The following ASIC2 variants were observed in gnomAD, a reference collection of about 807,000 sequenced individuals.
ASIC2 encodes acid sensing ion channel subunit 2.
Under a neutral mutation model 57.3 loss-of-function variants are expected in ASIC2, and 25 were observed. The observed-to-expected ratio is 0.44, with a 90% CI of 0.32 to 0.61. The LOEUF is 0.61. ASIC2 is among the 20% of genes least tolerant of loss of function. ASIC2 has a pLI of 0.06. For synonymous variants in ASIC2, 319 were observed against 307.5 expected (o/e 1.04, Z -0.39); for missense variants, 641 against 738.1 (o/e 0.87, Z 1.52).
chr17:33,061,278 G>C (rs531042604), intron 3 of ASIC2, among the ~76,000 whole-genome samples: 6 of 152,254 alleles, frequency 3.9e-5, no homozygotes, highest in African/African-American at 1.2e-4. Flanking sequence ...TGCCCATTCA[G>C]TATGATATTG....
Position 33,293,103 on chromosome 17 carries a change from G to A in ASIC2, c.-988C>T, listed in dbSNP as rs1905573418. On this transcript the variant is annotated 5_prime_UTR_variant, in exon 1 of 10. Transcript: ENST00000225823. ...GCCAACACCTCCCGGGGGTGACCCG[G>A]ACTCGCTGCTCCGCGCGCCCTTCTC... 1 of 921,552 alleles carries A rather than the reference G, an allele frequency of 1.1e-6. No homozygotes were observed. The highest frequency in any genetic ancestry group is 1.8e-5 in the African/African-American group (1 of 55,832). The allele number at this position is 921,552 out of a possible 1,614,324, so 57.1% of individuals were successfully genotyped here.
chr17:33,102,411 T>G (rs1184435047), intron 2 of ASIC2, among the ~76,000 whole-genome samples: 2 of 152,224 alleles, frequency 1.3e-5, no homozygotes, highest in East Asian at 3.9e-4. Context: ...TTTTTTTCTT[T>G]ATTTCTGTTA....
At chr17:33,662,668 T>TAAA (rs530248877) in intron 1 of ASIC2, among the ~76,000 whole-genome samples, 4 of 128,054 alleles carry the variant, frequency 3.1e-5, no homozygotes, top group Non-Finnish European at 5.1e-5. Context: ...AATAAATAAA[T>TAAA]AAGTAAAATA....
chr17:33,837,340 G>A (rs1405859800), intron 1 of ASIC2, among the ~76,000 whole-genome samples: 2 of 152,140 alleles, frequency 1.3e-5, no homozygotes, highest in Non-Finnish European at 2.9e-5. Context: ...CAAATAATGA[G>A]AAATTTGAAA....
At position 33,116,631 on chromosome 17, in the gene ASIC2, G is replaced by A. The variant is rs144858734; in HGVS notation, c.709-4564C>T. ...TGCATGTTTCAAACCTGGATCTCCA[G>A]GAATGGTGGGGGGTGGGGGCTCCTG... is the stretch of plus-strand genomic sequence containing the variant. On this transcript the variant is annotated intron_variant, in intron 1 of 9. Transcript: ENST00000225823. 2.6e-5 allele frequency among the ~76,000 whole-genome samples: 4 copies of A among 152,254 alleles called. No homozygotes were observed. In the East Asian group the frequency reaches 7.7e-4, roughly 29 times the overall value.
At chr17:33,343,941 T>C (rs1202799687) in intron 1 of ASIC2, among the ~76,000 whole-genome samples, 1 of 152,194 alleles carries the variant, frequency 6.6e-6, no homozygotes, top group Admixed American at 6.5e-5. Context: ...GTCTTGCAAA[T>C]ATTCACCATT....
chr17:33,596,949 C>CA (rs1423445658), intron 1 of ASIC2, among the ~76,000 whole-genome samples: 6 of 152,188 alleles, frequency 3.9e-5, no homozygotes, highest in Non-Finnish European at 7.4e-5. Context: ...GATGAGCTCT[C>CA]AAAAAGACCC....
At chr17:34,132,379 G>T (rs904154226) in intron 1 of ASIC2, among the ~76,000 whole-genome samples, 2 of 152,162 alleles carry the variant, frequency 1.3e-5, no homozygotes, top group East Asian at 3.9e-4. Context: ...CAGGTAGACG[G>T]GTTGCGGCTG....
At chr17:33,783,255 T>C (rs937752978) in intron 1 of ASIC2, among the ~76,000 whole-genome samples, 1 of 152,236 alleles carries the variant, frequency 6.6e-6, no homozygotes, top group South Asian at 2.1e-4. Context: ...TTGTGGTTAA[T>C]AGCTCATGCT....
At chr17:33,680,317 T>C (rs1467454951) in intron 1 of ASIC2, among the ~76,000 whole-genome samples, 1 of 152,106 alleles carries the variant, frequency 6.6e-6, no homozygotes, top group Non-Finnish European at 1.5e-5. Context: ...AGGGAAGTGG[T>C]ACCTGCAGGA....
At chr17:33,363,745 G>A (rs1431668883) in intron 1 of ASIC2, among the ~76,000 whole-genome samples, 1 of 152,198 alleles carries the variant, frequency 6.6e-6, no homozygotes, top group Non-Finnish European at 1.5e-5. Context: ...GGGAGCAGTG[G>A]TGGCTACTCT....
At chr17:33,300,309 C>CT (rs111351793) in intron 1 of ASIC2, among the ~76,000 whole-genome samples, 54 of 148,966 alleles carry the variant, frequency 3.6e-4, no homozygotes, top group South Asian at 8.6e-4. Context: ...TTCTTCACAC[C>CT]TTTTTTTTTT....
At chr17:33,624,179 T>C (rs1192085556) in intron 1 of ASIC2, 1 of 152,178 alleles carries the variant, frequency 6.6e-6, no homozygotes, top group East Asian at 1.9e-4. Flanking sequence ...AACATCCTGC[T>C]CTGGAGAAAT....
intron 1 of ASIC2, among the ~76,000 whole-genome samples, chr17:33,140,171 G>A (rs1057409393): frequency 9.9e-5 from 15 of 152,146 alleles, no homozygotes; most frequent in Admixed American, 8.5e-4. Context: ...GGTGAGTCCC[G>A]AAGTCTAAGG....
chr17:33,550,223 A>T (rs1915708477), intron 1 of ASIC2, among the ~76,000 whole-genome samples: 1 of 152,184 alleles, frequency 6.6e-6, no homozygotes, highest in Non-Finnish European at 1.5e-5. Context: ...GAAATAGTTT[A>T]TGGAGGAGTG....
intron 1 of ASIC2, among the ~76,000 whole-genome samples, chr17:34,114,534 T>G (rs1287001043): frequency 6.6e-6 from 1 of 152,236 alleles, no homozygotes; most frequent in African/African-American, 2.4e-5. Flanking sequence ...TGTGTGTTTT[T>G]GGCAACATTC....
In ASIC2 at chr17:33,837,741, C is replaced by T. The variant is rs1367028597; in HGVS notation, c.555+318237G>A. On this transcript the variant is annotated intron_variant, in intron 1 of 9. Coordinates refer to the ASIC2 transcript ENST00000359872. ...CAACGAAAAACAAAAAACAAAACCC[C>T]TTTAGTGACTCACCCTGTTTAACTA... 3.9e-5 allele frequency among the ~76,000 whole-genome samples: 6 copies of T among 152,158 alleles called. No individual in the cohort carries two copies. In the East Asian group the frequency reaches 9.6e-4, roughly 24 times the overall value.
At chr17:33,313,898 G>C (rs767478013) in intron 1 of ASIC2, among the ~76,000 whole-genome samples, 25 of 152,030 alleles carry the variant, frequency 1.6e-4, no homozygotes, top group Non-Finnish European at 2.8e-4. Flanking sequence ...AGATGGGAAA[G>C]TTCAGACAAG....
intron 3 of ASIC2, among the ~76,000 whole-genome samples, chr17:33,033,769 C>T (rs771653649): frequency 1.3e-5 from 2 of 152,210 alleles, no homozygotes; most frequent in Non-Finnish European, 2.9e-5. Context: ...GCCAGTCTTG[C>T]TCACTGGAGT....
Sources: allele counts gnomAD v4.1 joint callset (sites outside exome capture counted in the v4.1 genomes callset), GRCh38; gene constraint gnomAD v4.1.1; transcripts MANE v1.5; gene names NCBI Gene and HGNC (gene_info 2026-07-23, HGNC 2026-07-21).